Variants in ASTN2 observed in about 807,000 individuals in gnomAD.
ASTN2 encodes the protein astrotactin 2.
Under a neutral mutation model 139.8 loss-of-function variants are expected in ASTN2, and 54 were observed. That is an observed-to-expected ratio of 0.39 (90% CI 0.31 to 0.48). ASTN2 has a LOEUF of 0.48. Among genes scored for constraint, ASTN2 ranks in the 20% least tolerant of loss-of-function variants. The probability of loss-of-function intolerance (pLI) is 0.95; values close to 1 mark genes in which losing one functional copy is unlikely to be tolerated. For missense variants in ASTN2, 1,565 were observed against 1,725.1 expected (o/e 0.91, Z 1.64); for synonymous variants, 756 against 719.5 (o/e 1.05, Z -0.81).
chr9:117,020,399 A>G (rs895709616), intron 6 of ASTN2, among the ~76,000 whole-genome samples: 1 of 151,766 alleles, frequency 6.6e-6, no homozygotes, highest in African/African-American at 2.4e-5. Context: ...CTGTTGGAAG[A>G]GTCTGAGGCA....
chr9:117,067,024 G>A (rs1428446366), intron 5 of ASTN2, among the ~76,000 whole-genome samples: 3 of 93,898 alleles, frequency 3.2e-5, no homozygotes, highest in African/African-American at 1.2e-4. Context: ...GATCCCATTT[G>A]TCAATTTTGT....
chr9:116,528,666 C>T (rs1368601682), intron 19 of ASTN2, among the ~76,000 whole-genome samples: 1 of 152,174 alleles, frequency 6.6e-6, no homozygotes, highest in Non-Finnish European at 1.5e-5. Context: ...CACAGCAGCC[C>T]CTCTCATCAC....
At chr9:116,635,526 C>T (rs1224918058) in intron 17 of ASTN2, among the ~76,000 whole-genome samples, 1 of 151,994 alleles carries the variant, frequency 6.6e-6, no homozygotes, top group East Asian at 1.9e-4. Context: ...TTATCTATAC[C>T]TATATATTCT....
At chr9:117,307,229 TCTC>T (rs1396464286) in intron 1 of ASTN2, among the ~76,000 whole-genome samples, 1 of 152,200 alleles carries the variant, frequency 6.6e-6, no homozygotes, top group Admixed American at 6.5e-5. Flanking sequence ...AGCATTCATA[TCTC>T]CTCCTATGCA....
chr9:117,284,550 G>T (rs1225005505), intron 2 of ASTN2, among the ~76,000 whole-genome samples: 1 of 152,204 alleles, frequency 6.6e-6, no homozygotes. Context: ...TCTTTCCCTG[G>T]TGCCTTCAGA....
intron 20 of ASTN2, among the ~76,000 whole-genome samples, chr9:116,453,775 T>C (rs1036477353): frequency 9.9e-5 from 15 of 152,136 alleles, no homozygotes; most frequent in African/African-American, 3.6e-4. Flanking sequence ...CTGGAGGGTG[T>C]TGTTTTTCAT....
At chr9:116,879,564 A>C (rs1833398278) in intron 10 of ASTN2, among the ~76,000 whole-genome samples, 1 of 152,202 alleles carries the variant, frequency 6.6e-6, no homozygotes. Flanking sequence ...CTTAGTTTTC[A>C]TGAGAATTAC....
At chr9:117,395,162 A>G (rs958943593) in intron 1 of ASTN2, among the ~76,000 whole-genome samples, 11 of 152,184 alleles carry the variant, frequency 7.2e-5, no homozygotes, top group Admixed American at 3.9e-4. Flanking sequence ...CAGAGGCAGA[A>G]TCATCCAAGA....
At chr9:116,458,257 G>A (rs1278651446) in intron 20 of ASTN2, among the ~76,000 whole-genome samples, 1 of 151,168 alleles carries the variant, frequency 6.6e-6, no homozygotes, top group African/African-American at 2.4e-5. Context: ...TGGTTAATAG[G>A]CACAAAAATA....
intron 5 of ASTN2, among the ~76,000 whole-genome samples, chr9:117,092,058 AAGG>A (rs957652100): frequency 2.0e-5 from 3 of 152,266 alleles, no homozygotes; most frequent in East Asian, 1.9e-4. Context: ...TGACCCTGTG[AAGG>A]AGATGTAGTG....
At chr9:116,529,270 A>G in intron 19 of ASTN2, among the ~76,000 whole-genome samples, 1 of 152,156 alleles carries the variant, frequency 6.6e-6, no homozygotes, top group Non-Finnish European at 1.5e-5. Context: ...GGTGTGAGAC[A>G]TGGAGTCAAA....
intron 16 of ASTN2, among the ~76,000 whole-genome samples, chr9:116,704,439 G>T (rs970021681): frequency 1.3e-5 from 2 of 152,190 alleles, no homozygotes; most frequent in African/African-American, 4.8e-5. Context: ...ACCCTGCTGA[G>T]CTAGAGTTTT....
intron 16 of ASTN2, among the ~76,000 whole-genome samples, chr9:116,672,283 T>C (rs2131991030): frequency 6.6e-6 from 1 of 152,008 alleles, no homozygotes; most frequent in South Asian, 2.1e-4. Context: ...GGAGGATCAC[T>C]TGAGCCAGGG....
chr9:116,728,566 C>A (rs981069256), intron 15 of ASTN2, among the ~76,000 whole-genome samples: 1 of 151,916 alleles, frequency 6.6e-6, no homozygotes, highest in Middle Eastern at 3.4e-3. Context: ...ATTTTTGTAT[C>A]GGAGATGGAC....
chr9:117,404,539 T>C (rs1367504408), intron 1 of ASTN2, among the ~76,000 whole-genome samples: 1 of 152,210 alleles, frequency 6.6e-6, no homozygotes, highest in Non-Finnish European at 1.5e-5. Context: ...TATAGCATTA[T>C]AATATATTAC....
chr9:116,956,090 TTTTC>T (rs1280878510), intron 10 of ASTN2, among the ~76,000 whole-genome samples: 4 of 102,916 alleles, frequency 3.9e-5, no homozygotes, highest in East Asian at 6.3e-4. Flanking sequence ...TTTCTTTTTC[TTTTC>T]TTTTTTTTTT....
chr9:117,091,094 AG>A (rs1234517613), intron 5 of ASTN2, among the ~76,000 whole-genome samples: 3 of 152,156 alleles, frequency 2.0e-5, no homozygotes, highest in African/African-American at 7.2e-5. Context: ...GGGAGAGGTA[AG>A]GCCCCAGCTC....
intron 22 of ASTN2, among the ~76,000 whole-genome samples, chr9:116,435,613 G>A (rs1328251116): frequency 6.6e-6 from 1 of 152,066 alleles, no homozygotes; most frequent in Non-Finnish European, 1.5e-5. Flanking sequence ...TCTCATCTTT[G>A]CATTGGTAAT....
chr9:117,350,027 C>A (rs902810078), intron 1 of ASTN2, among the ~76,000 whole-genome samples: 2 of 152,150 alleles, frequency 1.3e-5, no homozygotes, highest in Non-Finnish European at 2.9e-5. Context: ...TTAACAGCAA[C>A]ATACAAATGT....
Sources: gnomAD v4.1 joint callset for allele counts (sites outside exome capture counted in the v4.1 genomes callset) on GRCh38, gnomAD v4.1.1 for gene constraint, MANE v1.5 for transcripts, NCBI Gene and HGNC (gene_info 2026-07-23, HGNC 2026-07-21) for gene names.